Variants in INPP4B observed in about 807,000 individuals in gnomAD.
INPP4B encodes inositol polyphosphate 4-phosphatase type II.
INPP4B carries 55 observed loss-of-function variants against 122.5 expected under a neutral mutation model. The ratio of observed to expected loss-of-function variants is 0.45; its 90% CI spans 0.36 to 0.56. The LOEUF (loss-of-function observed/expected upper bound fraction) is 0.56, where lower values mean the gene tolerates loss of function less well. INPP4B is among the 20% of genes least tolerant of loss of function. The probability of loss-of-function intolerance (pLI) is 0.00; values close to 1 mark genes in which losing one functional copy is unlikely to be tolerated. For missense variants in INPP4B, 1,000 were observed against 1,097.7 expected (o/e 0.91, Z 1.26); for synonymous variants, 403 against 388.7 (o/e 1.04, Z -0.43).
chr4:142,384,588 T>C (rs1283949919), intron 7 of INPP4B, among the ~76,000 whole-genome samples: 2 of 152,206 alleles, frequency 1.3e-5, no homozygotes, highest in Non-Finnish European at 2.9e-5. Context: ...ATTGATCTTA[T>C]GGAATCACCA....
At chr4:142,631,496 G>A (rs986811488) in intron 2 of INPP4B, among the ~76,000 whole-genome samples, 3 of 152,038 alleles carry the variant, frequency 2.0e-5, no homozygotes, top group Non-Finnish European at 4.4e-5. Flanking sequence ...AACAAAAAGA[G>A]AAGGAGAAAA....
chr4:142,244,720 T>C (rs557447386), intron 11 of INPP4B, among the ~76,000 whole-genome samples: 1 of 152,318 alleles, frequency 6.6e-6, no homozygotes, highest in Non-Finnish European at 1.5e-5. Context: ...GTAGAATGAT[T>C]TATAATCCTT....
intron 16 of INPP4B, among the ~76,000 whole-genome samples, chr4:142,169,601 T>C (rs923499098): frequency 9.9e-5 from 15 of 151,686 alleles, no homozygotes; most frequent in Non-Finnish European, 4.4e-5. Context: ...TCTTTGAATA[T>C]AAGAGAACAT....
chr4:142,280,134 C>T (rs1278733931), intron 9 of INPP4B, among the ~76,000 whole-genome samples: 2 of 151,894 alleles, frequency 1.3e-5, no homozygotes, highest in Non-Finnish European at 2.9e-5. Context: ...AAAAACAGCT[C>T]AGCTGCTTTT....
At chr4:142,256,351 A>C (rs368591461) in intron 11 of INPP4B, among the ~76,000 whole-genome samples, 3 of 151,098 alleles carry the variant, frequency 2.0e-5, no homozygotes, top group African/African-American at 7.3e-5. Flanking sequence ...AAATAACTAA[A>C]ATCAGAGCAG....
chr4:142,609,540 C>G (rs1302161528), intron 2 of INPP4B, among the ~76,000 whole-genome samples: 5 of 152,090 alleles, frequency 3.3e-5, no homozygotes, highest in Non-Finnish European at 7.4e-5. Context: ...AATTCAAAGT[C>G]TTTAAAACTT....
intron 9 of INPP4B, among the ~76,000 whole-genome samples, chr4:142,291,831 G>A (rs1041652376): frequency 2.0e-5 from 3 of 152,118 alleles, no homozygotes; most frequent in Non-Finnish European, 4.4e-5. Context: ...GCCCTGAAAG[G>A]AAATTGTGCT....
intron 23 of INPP4B, among the ~76,000 whole-genome samples, chr4:142,102,181 T>A (rs912126530): frequency 1.3e-5 from 2 of 152,062 alleles, no homozygotes; most frequent in Non-Finnish European, 2.9e-5. Flanking sequence ...AAATAAGATT[T>A]AAGATAAATT....
chr4:142,529,767 C>A (rs768647223), intron 2 of INPP4B, among the ~76,000 whole-genome samples: 3 of 151,932 alleles, frequency 2.0e-5, no homozygotes, highest in Non-Finnish European at 4.4e-5. Flanking sequence ...AGAATCTTAG[C>A]AGCTTGAGCA....
intron 2 of INPP4B, among the ~76,000 whole-genome samples, chr4:142,680,655 C>G (rs538853145): frequency 4.7e-4 from 72 of 151,916 alleles, no homozygotes; most frequent in South Asian, 1.5e-3. Flanking sequence ...TAAAAAGCAC[C>G]TTTCATACAA....
intron 2 of INPP4B, among the ~76,000 whole-genome samples, chr4:142,594,597 T>C (rs1050961748): frequency 4.6e-5 from 7 of 152,124 alleles, no homozygotes; most frequent in Admixed American, 1.3e-4. Flanking sequence ...TATTATTGCC[T>C]CTCATTGATT....
chr4:142,715,608 T>C (rs1763663976), intron 2 of INPP4B, among the ~76,000 whole-genome samples: 1 of 152,004 alleles, frequency 6.6e-6, no homozygotes, highest in Non-Finnish European at 1.5e-5. Flanking sequence ...AATAAAGGCA[T>C]AGGTGAAAGT....
At position 142,624,963 on chromosome 4, in the gene INPP4B, G is replaced by A. The variant is rs532092665; in HGVS notation, c.-191+100876C>T. 4.6e-5 allele frequency among the ~76,000 whole-genome samples: 7 copies of A among 151,590 alleles called. No homozygotes were observed. The East Asian group carries it at 9.7e-4, about 21-fold the overall frequency. ...ATGCTAAAAACTCTCAATAAATTAG[G>A]TATTGATGGGATGTATCTCAAAATA... On this transcript the variant is annotated intron_variant, in intron 2 of 25. Transcript: ENST00000262992.
Position 142,806,793 on chromosome 4 carries a change from AAGAAAGAAAGAAAG to A in INPP4B, c.-254+39402_-254+39415del, listed in dbSNP as rs1339530443. ...AAAGAAAGAAAGAAAGAAGGAAAGA[AAGAAAGAAAGAAAG>A]AAAGAAAGAAAGAAAGAAAGAAAGA... is the stretch of plus-strand genomic sequence containing the variant. On this transcript the variant is annotated intron_variant, in intron 1 of 25. Transcript: ENST00000262992. Among the ~76,000 whole-genome samples the A allele has an allele frequency of 8.5e-4, 116 of 135,714 alleles. 2 individuals are homozygous for A. The Middle Eastern group carries it at 0.018, about 21-fold the overall frequency. 89.0% of individuals were successfully genotyped at this position (135,714 alleles called of 152,430 possible). A position where few individuals can be genotyped will look rare whatever the true frequency, so the allele number is the denominator to read the frequency against.
chr4:142,773,453 T>C (rs1361140889), intron 1 of INPP4B, among the ~76,000 whole-genome samples: 1 of 152,148 alleles, frequency 6.6e-6, no homozygotes, highest in African/African-American at 2.4e-5. Flanking sequence ...AAAATTCACA[T>C]GAGCTACACA....
chr4:142,165,554 G>T (rs558868442), intron 16 of INPP4B, among the ~76,000 whole-genome samples: 1 of 151,774 alleles, frequency 6.6e-6, no homozygotes, highest in East Asian at 1.9e-4. Flanking sequence ...TGTATTTTTA[G>T]TAAAGTCCCC....
intron 2 of INPP4B, among the ~76,000 whole-genome samples, chr4:142,595,259 C>G (rs763803018): frequency 6.6e-6 from 1 of 151,726 alleles, no homozygotes; most frequent in Non-Finnish European, 1.5e-5. Context: ...TGAATCTTGC[C>G]CTTGGATGAA....
chr4:142,696,637 G>A lies in INPP4B; in HGVS notation c.-191+29202C>T, dbSNP rs141834269. Reference sequence around the variant, plus strand: ...ATCTGCAGTGCCCACTCAACCCTGCGTCCCTCTGCCTTGCCATCAGCTACT... The same window carrying A: ...ATCTGCAGTGCCCACTCAACCCTGCATCCCTCTGCCTTGCCATCAGCTACT... On this transcript the variant is annotated intron_variant, in intron 2 of 25. Coordinates refer to ENST00000262992, the MANE Select transcript of INPP4B (RefSeq NM_001101669.3). Among the ~76,000 whole-genome samples, 207 of 152,114 alleles carry A rather than the reference G, an allele frequency of 1.4e-3. 4 individuals carry two copies. In the East Asian group the frequency reaches 0.021, roughly 15 times the overall value.
intron 2 of INPP4B, among the ~76,000 whole-genome samples, chr4:142,481,238 T>C (rs1820505924): frequency 6.6e-6 from 1 of 151,568 alleles, no homozygotes; most frequent in Non-Finnish European, 1.5e-5. Context: ...TAGAAGCTGA[T>C]CTTTCTCCTT....
Sources: allele counts gnomAD v4.1 joint callset (sites outside exome capture counted in the v4.1 genomes callset), GRCh38; gene constraint gnomAD v4.1.1; transcripts MANE v1.5; gene names NCBI Gene and HGNC (gene_info 2026-07-23, HGNC 2026-07-21).